The following SNTB1 variants were observed in gnomAD, a reference collection of about 807,000 sequenced individuals.
The protein encoded by SNTB1 is beta-1-syntrophin.
SNTB1 carries 36 observed loss-of-function variants against 48.9 expected under a neutral mutation model. That is an observed-to-expected ratio of 0.74 (90% CI 0.56 to 0.97). SNTB1 has a LOEUF of 0.97. Ranked by LOEUF, SNTB1 falls within the 50% of genes least tolerant of loss-of-function variation. SNTB1 has a pLI of 0.00. For synonymous variants in SNTB1, 299 were observed against 294.6 expected, an observed-to-expected ratio of 1.01 and a Z score of -0.15; for missense variants, 786 against 703.4, an observed-to-expected ratio of 1.12 and a Z score of -1.33.
intron 1 of SNTB1, among the ~76,000 whole-genome samples, chr8:120,805,843 G>A (rs955824823): frequency 6.6e-6 from 1 of 151,980 alleles, no homozygotes; most frequent in African/African-American, 2.4e-5. Flanking sequence ...TATCTCCTAG[G>A]GCCATTTATG....
At chr8:120,698,384 C>T (rs1818245663) in intron 1 of SNTB1, among the ~76,000 whole-genome samples, 1 of 152,002 alleles carries the variant, frequency 6.6e-6, no homozygotes, top group South Asian at 2.1e-4. Flanking sequence ...CGTCACTGTC[C>T]CTAAGGAAGA....
intron 1 of SNTB1, among the ~76,000 whole-genome samples, chr8:120,808,990 T>A (rs1333714926): frequency 6.6e-6 from 1 of 152,094 alleles, no homozygotes; most frequent in South Asian, 2.1e-4. Flanking sequence ...TTTCAAAGCC[T>A]CTCCTATGTA....
At chr8:120,557,156 T>C (rs1456133267) in intron 4 of SNTB1, among the ~76,000 whole-genome samples, 2 of 152,160 alleles carry the variant, frequency 1.3e-5, no homozygotes, top group Non-Finnish European at 2.9e-5. Context: ...TGAGTTTGTC[T>C]GGAAAAGAGA....
chr8:120,600,522 T>C (rs895690591), intron 3 of SNTB1, among the ~76,000 whole-genome samples: 3 of 152,190 alleles, frequency 2.0e-5, no homozygotes, highest in African/African-American at 4.8e-5. Context: ...TTGTGAGAGA[T>C]GTTAAATTGG....
intron 1 of SNTB1, among the ~76,000 whole-genome samples, chr8:120,712,787 A>T (rs923980836): frequency 1.3e-5 from 2 of 152,154 alleles, no homozygotes; most frequent in Non-Finnish European, 2.9e-5. Context: ...GCCTCACTAC[A>T]GTTTATTTTC....
intron 2 of SNTB1, among the ~76,000 whole-genome samples, chr8:120,646,479 A>G (rs62526719): frequency 0.38 from 52,908 of 140,536 alleles, 11,071 homozygotes; most frequent in Non-Finnish European, 0.47. Context: ...ATTGATTTGC[A>G]TATATTGAAC....
At chr8:120,722,653 G>A (rs1278981475) in intron 1 of SNTB1, among the ~76,000 whole-genome samples, 1 of 152,136 alleles carries the variant, frequency 6.6e-6, no homozygotes, top group Non-Finnish European at 1.5e-5. Flanking sequence ...CCCTTTGTCA[G>A]ATGAGTAGAT....
chr8:120,741,072 G>C (rs139523176), intron 1 of SNTB1, among the ~76,000 whole-genome samples: 1 of 152,286 alleles, frequency 6.6e-6, no homozygotes, highest in Non-Finnish European at 1.5e-5. Flanking sequence ...GCTAATGTCA[G>C]GCAGTGCGTT....
intron 2 of SNTB1, among the ~76,000 whole-genome samples, chr8:120,645,603 C>A (rs1817279226): frequency 7.1e-6 from 1 of 140,594 alleles, no homozygotes; most frequent in Non-Finnish European, 1.5e-5. Context: ...AGTGTGATGC[C>A]TCCAGCTTTG....
At chr8:120,629,066 C>T (rs930869385) in intron 3 of SNTB1, among the ~76,000 whole-genome samples, 2 of 152,260 alleles carry the variant, frequency 1.3e-5, no homozygotes, top group South Asian at 2.1e-4. Context: ...GATGAACTCT[C>T]GCTTCACTTT....
chr8:120,538,459 G>T lies in SNTB1; in HGVS notation c.*418C>A. 1 of 293,340 alleles carries T rather than the reference G, an allele frequency of 3.4e-6. No individual in the cohort carries two copies. The highest frequency in any genetic ancestry group is 7.1e-6 in the Non-Finnish European group (1 of 141,074). 18.2% of individuals were successfully genotyped at this position (293,340 alleles called of 1,614,324 possible). The stretch of plus-strand genomic sequence containing the variant: ...AGGGATCACTGTTACTGGGGATAGG[G>T]GGCTAGGAGGAGTAGGTAAGAATGT... On this transcript the variant is annotated 3_prime_UTR_variant, in exon 7 of 7. Transcript: ENST00000517992.
chr8:120,781,947 A>C (rs1819836038), intron 1 of SNTB1, among the ~76,000 whole-genome samples: 1 of 152,204 alleles, frequency 6.6e-6, no homozygotes, highest in African/African-American at 2.4e-5. Context: ...TAGGGCTGTC[A>C]TAACAAAGTA....
intron 1 of SNTB1, among the ~76,000 whole-genome samples, chr8:120,748,039 G>T (rs1356532240): frequency 2.0e-5 from 3 of 152,104 alleles, no homozygotes; most frequent in African/African-American, 7.2e-5. Context: ...CTCTTGAATG[G>T]ACTTGTTTGC....
In SNTB1 at chr8:120,811,533, TCGGGC is replaced by T; in HGVS notation, c.306_310del (p.Pro103ValfsTer114). ...GCCACGCTTCTGGTTCGAGATGGAC[TCGGGC>T]ACCTGCTCGGGCAGGTCGGTGAAAG... On this transcript the variant is annotated frameshift_variant, in exon 1 of 7. Coordinates refer to ENST00000517992, the MANE Select transcript of SNTB1 (RefSeq NM_021021.4). LOFTEE classifies it high-confidence loss of function. The T allele has an allele frequency of 6.2e-7, 1 of 1,610,258 alleles. No individual in the cohort carries two copies. The highest frequency in any genetic ancestry group is 8.5e-7 in the Non-Finnish European group (1 of 1,178,254).
chr8:120,631,597 G>C (rs1563836171), intron 3 of SNTB1, among the ~76,000 whole-genome samples: 2 of 152,020 alleles, frequency 1.3e-5, no homozygotes, highest in Admixed American at 6.5e-5. Flanking sequence ...CCAAAGTCCA[G>C]TGTTCCTGAG....
chr8:120,617,209 C>T (rs1033199909), intron 3 of SNTB1, among the ~76,000 whole-genome samples: 1 of 152,190 alleles, frequency 6.6e-6, no homozygotes, highest in Non-Finnish European at 1.5e-5. Context: ...AGATTGGACA[C>T]CCCTGGTGTA....
At chr8:120,774,540 T>C (rs1157537792) in intron 1 of SNTB1, among the ~76,000 whole-genome samples, 1 of 152,140 alleles carries the variant, frequency 6.6e-6, no homozygotes, top group South Asian at 2.1e-4. Flanking sequence ...ATTGACAGAA[T>C]GTGGTGAATG....
Position 120,659,422 on chromosome 8 carries a change from C to T in SNTB1, c.789-26771G>A, listed in dbSNP as rs184139825. On this transcript the variant is annotated intron_variant, in intron 2 of 6. Transcript: ENST00000517992. ...GTTTTATCATGGGATTGCAAAAATTCGGTCACATCTTCAGGTCCCACTTAT... is the reference window on the plus strand; with the variant it reads ...GTTTTATCATGGGATTGCAAAAATTTGGTCACATCTTCAGGTCCCACTTAT... Among the ~76,000 whole-genome samples the T allele has an allele frequency of 5.6e-3, 846 of 152,272 alleles. 7 individuals carry two copies. Among genetic ancestry groups the T allele is most frequent in the Non-Finnish European group, 9.8e-3 (664 of 68,010 alleles).
chr8:120,647,139 G>A (rs1448379749), intron 2 of SNTB1, among the ~76,000 whole-genome samples: 10 of 137,570 alleles, frequency 7.3e-5, no homozygotes, highest in African/African-American at 2.7e-4. Flanking sequence ...TTAATTTTTT[G>A]AAGGGTTTTT....
Sources: gnomAD v4.1 joint callset for allele counts (sites outside exome capture counted in the v4.1 genomes callset) on GRCh38, gnomAD v4.1.1 for gene constraint, MANE v1.5 for transcripts, NCBI Gene and HGNC (gene_info 2026-07-23, HGNC 2026-07-21) for gene names.